The following CCNT1 variants were observed in gnomAD, a reference collection of about 807,000 sequenced individuals.
The protein encoded by CCNT1 is cyclin T1.
Under a neutral mutation model 67.3 loss-of-function variants are expected in CCNT1, and 18 were observed. The observed-to-expected ratio is 0.27, with a 90% CI of 0.18 to 0.40. The LOEUF is 0.40. CCNT1 is among the 10% of genes least tolerant of loss of function. CCNT1 has a pLI of 1.00. For missense variants in CCNT1, 744 were observed against 884.9 expected (o/e 0.84, Z 2.02); for synonymous variants, 333 against 310.3 (o/e 1.07, Z -0.77).
intron 3 of CCNT1, among the ~76,000 whole-genome samples, chr12:48,704,327 C>T (rs1940320933): frequency 6.6e-6 from 1 of 152,248 alleles, no homozygotes; most frequent in African/African-American, 2.4e-5. Flanking sequence ...CCCCACCATA[C>T]ATATTGCCAC....
rs931859161 is a variant in CCNT1 at position 48,691,265 on chromosome 12, C to G, written c.*1768G>C. The G allele has an allele frequency of 3.9e-5, 6 of 152,230 alleles. No individual in the cohort carries two copies. The highest frequency in any genetic ancestry group is 1.4e-4 in the African/African-American group (6 of 41,444). The allele number at this position is 152,230 out of a possible 1,614,324, so 9.4% of individuals were successfully genotyped here. On this transcript the variant is annotated 3_prime_UTR_variant, in exon 9 of 9. Coordinates refer to ENST00000261900, the MANE Select transcript of CCNT1 (RefSeq NM_001240.4). ...AGTACATCATCAATTCCAACAGCCA[C>G]AATTTTCTTCCCAACCTGTTCCTGG...
chr12:48,702,655 G>A (rs1312302683), intron 3 of CCNT1, among the ~76,000 whole-genome samples: 4 of 151,986 alleles, frequency 2.6e-5, no homozygotes, highest in Non-Finnish European at 5.9e-5. Flanking sequence ...TGTGATGGTG[G>A]GCGTGAACCT....
chr12:48,692,789 T>C lies in CCNT1; in HGVS notation c.*244A>G, dbSNP rs1460635223. On this transcript the variant is annotated 3_prime_UTR_variant, in exon 9 of 9. Transcript: ENST00000261900. ...GAGGCCAAGAATTCAGAATGTGTCC[T>C]TAATCCTTCACAGCTTCAACACCTC... is the stretch of plus-strand genomic sequence containing the variant. 7.5e-6 allele frequency: 3 copies of C among 398,454 alleles called. No homozygotes were observed. The highest frequency in any genetic ancestry group is 7.9e-5 in the East Asian group (2 of 25,316). 24.7% of individuals were successfully genotyped at this position (398,454 alleles called of 1,614,324 possible). A position where few individuals can be genotyped will look rare whatever the true frequency, so the allele number is the denominator to read the frequency against.
rs1940023454 is a variant in CCNT1, at chr12:48,688,565, T to A, written c.*4468A>T. ...ATAGCCAGACTATAAAATGTATACA[T>A]CCTTTTTAAATTTTTTGAATTTTTT... On this transcript the variant is annotated 3_prime_UTR_variant, in exon 9 of 9. Transcript: ENST00000261900. 6.6e-6 allele frequency: 1 copy of A among 152,128 alleles called. No homozygotes were observed. The highest frequency in any genetic ancestry group is 2.4e-5 in the African/African-American group (1 of 41,422). 9.4% of individuals were successfully genotyped at this position (152,128 alleles called of 1,614,324 possible). A position where few individuals can be genotyped will look rare whatever the true frequency, so the allele number is the denominator to read the frequency against.
chr12:48,716,669 C>G lies in CCNT1; in HGVS notation c.7G>C (p.Gly3Arg). Reference protein sequence around the residue: MEGERKNNNKRWY... With the variant: MERERKNNNKRWY... ...CGTTTGTTGTTGTTCTTCCTCTCTC[C>G]CTCCATAGTGCTTCAACCAGAAGGC... is the stretch of plus-strand genomic sequence containing the variant. Residue 3 changes from glycine to arginine, a missense_variant, in exon 1 of 9, where the codon GGA (glycine) becomes CGA (arginine). By Grantham distance (125) the Gly-to-Arg change is moderately radical. This residue lies in a region of CCNT1 where 38 missense variants were observed against 33.7 expected (regional missense o/e 1.13). Transcript: ENST00000261900. The G allele has an allele frequency of 6.2e-7, 1 of 1,613,686 alleles. No homozygotes were observed. Among genetic ancestry groups the G allele is most frequent in the Non-Finnish European group, 8.5e-7 (1 of 1,179,710 alleles).
chr12:48,696,189 A>T (rs1940164762), intron 6 of CCNT1, 27 bp from the exon 7 acceptor site: 2 of 1,360,700 alleles, frequency 1.5e-6, no homozygotes, highest in Non-Finnish European at 2.0e-6. Flanking sequence ...GAAAACAGAG[A>T]GTGTCATGAG....
intron 1 of CCNT1, 32 bp downstream of exon 1, chr12:48,716,483 T>G (rs562415717): frequency 6.3e-7 from 1 of 1,581,166 alleles, no homozygotes; most frequent in African/African-American, 1.4e-5. Flanking sequence ...CGGGACCAAC[T>G]CCAAGGCCGA....
At chr12:48,704,065 A>C (rs1202533980) in intron 3 of CCNT1, among the ~76,000 whole-genome samples, 3 of 152,252 alleles carry the variant, frequency 2.0e-5, no homozygotes, top group Non-Finnish European at 2.9e-5. Flanking sequence ...GACATTTTTA[A>C]AAAGTAGAGA....
chr12:48,716,491 C>T (rs1565623283), intron 1 of CCNT1, 24 bp downstream of exon 1: 1 of 1,591,484 alleles, frequency 6.3e-7, no homozygotes, highest in Non-Finnish European at 8.6e-7. Flanking sequence ...ACTCCAAGGC[C>T]GAAGGCCTAG....
At position 48,694,663 on chromosome 12, in the gene CCNT1, C is replaced by A. The variant is rs911113879; in HGVS notation, c.778-227G>T. On this transcript the variant is annotated intron_variant, in intron 8 of 8. Transcript: ENST00000261900. Reference sequence around the variant, plus strand: ...AAACGTTACAAAGCAATAATAACAACAAAGAATCTATGCTTATCTAAAATT... The same window carrying A: ...AAACGTTACAAAGCAATAATAACAAAAAAGAATCTATGCTTATCTAAAATT... Among the ~76,000 whole-genome samples, 31 of 152,308 alleles carry A rather than the reference C, an allele frequency of 2.0e-4. 1 individual carries two copies. Among genetic ancestry groups the A allele is most frequent in the Non-Finnish European group, 3.5e-4 (24 of 68,024 alleles).
chr12:48,692,587 T>A lies in CCNT1; in HGVS notation c.*446A>T, dbSNP rs924718565. The A allele has an allele frequency of 1.3e-5, 2 of 156,502 alleles. No individual in the cohort carries two copies. Among genetic ancestry groups the A allele is most frequent in the African/African-American group, 4.8e-5 (2 of 41,266 alleles). 9.7% of individuals were successfully genotyped at this position (156,502 alleles called of 1,614,324 possible). A position where few individuals can be genotyped will look rare whatever the true frequency, so the allele number is the denominator to read the frequency against. ...TATATAAAAAAACTAAACAGATAAC[T>A]TACTTTCTTTAAATTATTAAGTCTA... On this transcript the variant is annotated 3_prime_UTR_variant, in exon 9 of 9. Coordinates refer to ENST00000261900, the MANE Select transcript of CCNT1 (RefSeq NM_001240.4).
At chr12:48,705,665 T>C (rs573208023) in intron 3 of CCNT1, 103 bp downstream of exon 3, 40 of 864,370 alleles carry the variant, frequency 4.6e-5, no homozygotes, top group Non-Finnish European at 5.7e-5. Context: ...GTTATAAAAT[T>C]AAGTTGCATT....
intron 1 of CCNT1, among the ~76,000 whole-genome samples, chr12:48,715,453 AT>A (rs1001599937): frequency 1.3e-4 from 19 of 149,756 alleles, no homozygotes; most frequent in African/African-American, 3.7e-4. Flanking sequence ...AGGTTACCTC[AT>A]TTTTTTTTTA....
At position 48,694,284 on chromosome 12, in the gene CCNT1, C is replaced by A; in HGVS notation, c.930G>T (p.Val310=). 1 of 1,614,216 alleles carries A rather than the reference C, an allele frequency of 6.2e-7. No individual in the cohort carries two copies. The highest frequency in any genetic ancestry group is 1.1e-5 in the South Asian group (1 of 91,090). The change falls in exon 9 of 9, where the codon GTG becomes GTT. Residue 310 remains valine, a synonymous_variant. Coordinates refer to ENST00000261900, the MANE Select transcript of CCNT1 (RefSeq NM_001240.4). ...ACTCTTCGGAGACTGGCAGGGAAGG[C>A]ACTGCACTTGTGGTAGAAGTTGACA... ...MSMSTSTTSA[V]PSLPVSEESS...
In CCNT1 at chr12:48,693,347, G is replaced by A. The variant is rs754404849; in HGVS notation, c.1867C>T (p.Leu623Phe). 1.2e-6 allele frequency: 2 copies of A among 1,614,218 alleles called. No individual in the cohort carries two copies. The highest frequency in any genetic ancestry group is 1.1e-5 in the South Asian group (1 of 91,084). Residue 623 changes from leucine to phenylalanine, a missense_variant, in exon 9 of 9, where the codon CTT (leucine) becomes TTT (phenylalanine). Leu to Phe is a conservative substitution (Grantham distance 22). Around this residue, in one of 3 missense-constraint regions of CCNT1, gnomAD observed 564 missense variants for 574.2 expected, o/e 0.98. Coordinates refer to ENST00000261900, the MANE Select transcript of CCNT1 (RefSeq NM_001240.4). ...TTACAGCTGGGCTGTGAAAAGGAAAGGCCACTTGTGTCTGAGCTATGCCCA... is the reference window on the plus strand; with the variant it reads ...TTACAGCTGGGCTGTGAAAAGGAAAAGCCACTTGTGTCTGAGCTATGCCCA... ...MPGHSSDTSG[L>F]SFSQPSCKTR... is the part of the protein sequence containing the mutation.
At chr12:48,711,430 A>G (rs1940448918) in intron 2 of CCNT1, among the ~76,000 whole-genome samples, 1 of 151,934 alleles carries the variant, frequency 6.6e-6, no homozygotes. Flanking sequence ...AGGAGGGGAA[A>G]ATATATATTA....
At chr12:48,703,722 C>T (rs1395505914) in intron 3 of CCNT1, among the ~76,000 whole-genome samples, 2 of 152,030 alleles carry the variant, frequency 1.3e-5, no homozygotes, top group African/African-American at 4.8e-5. Flanking sequence ...ATTACTTGAG[C>T]TCAGGAGGTC....
intron 1 of CCNT1, among the ~76,000 whole-genome samples, chr12:48,714,947 A>C (rs1385839639): frequency 2.0e-5 from 3 of 152,090 alleles, no homozygotes; most frequent in South Asian, 2.1e-4. Flanking sequence ...CCAGTAGCTG[A>C]GATTACAGGC....
chr12:48,695,891 A>T, intron 7 of CCNT1, 62 bp from the exon 8 acceptor site: 2 of 1,517,186 alleles, frequency 1.3e-6, no homozygotes, highest in Non-Finnish European at 1.8e-6. Context: ...AAACAAGAAT[A>T]ACCTGAACTA....
Sources: allele counts gnomAD v4.1 joint callset (sites outside exome capture counted in the v4.1 genomes callset), GRCh38; gene constraint gnomAD v4.1.1; regional missense constraint gnomAD v4.1.1; transcripts MANE v1.5; gene names NCBI Gene and HGNC (gene_info 2026-07-23, HGNC 2026-07-21).